The following DAB1 variants were observed in gnomAD, a reference collection of about 807,000 sequenced individuals.
DAB1 encodes the protein disabled homolog 1.
In DAB1, 15 loss-of-function variants were observed where a neutral mutation model predicts 64.6. That is an observed-to-expected ratio of 0.23 (90% CI 0.16 to 0.36). The LOEUF is 0.36. Ranked by LOEUF, DAB1 falls within the 10% of genes least tolerant of loss-of-function variation. The pLI, the probability that DAB1 is intolerant of heterozygous loss-of-function variation, is 1.00. For synonymous variants in DAB1, 235 were observed against 251.9 expected (o/e 0.93, Z 0.64); for missense variants, 596 against 706.7 (o/e 0.84, Z 1.78).
intron 2 of DAB1, among the ~76,000 whole-genome samples, chr1:57,173,024 C>A (rs533772444): frequency 1.2e-4 from 19 of 152,256 alleles, no homozygotes; most frequent in African/African-American, 4.3e-4. Context: ...CCACTGACAA[C>A]AATTATGAAG....
intron 6 of DAB1, among the ~76,000 whole-genome samples, chr1:57,706,679 A>G (rs1646970227): frequency 6.6e-6 from 1 of 151,892 alleles, no homozygotes; most frequent in Non-Finnish European, 1.5e-5. Flanking sequence ...ATTTCCCCCA[A>G]TGGTTATATC....
At chr1:58,020,183 CATAGGA>C (rs1029759383) in intron 5 of DAB1, among the ~76,000 whole-genome samples, 1 of 152,166 alleles carries the variant, frequency 6.6e-6, no homozygotes, top group Admixed American at 6.5e-5. Context: ...AATTCAATAG[CATAGGA>C]AATGTTCGCC....
intron 5 of DAB1, among the ~76,000 whole-genome samples, chr1:58,111,303 T>C (rs1651953048): frequency 6.6e-6 from 1 of 152,240 alleles, no homozygotes; most frequent in Non-Finnish European, 1.5e-5. Context: ...TTCTAGATCA[T>C]TCTGTCCCAT....
At chr1:57,597,179 T>C (rs568330374) in intron 7 of DAB1, among the ~76,000 whole-genome samples, 3 of 152,358 alleles carry the variant, frequency 2.0e-5, no homozygotes, top group Admixed American at 2.0e-4. Context: ...CTTATCCACC[T>C]GGATTTACAT....
At chr1:57,227,171 C>T (rs1405809991) in intron 2 of DAB1, among the ~76,000 whole-genome samples, 1 of 152,030 alleles carries the variant, frequency 6.6e-6, no homozygotes, top group Non-Finnish European at 1.5e-5. Context: ...ATCAAATAAT[C>T]AATCAATCAA....
intron 4 of DAB1, among the ~76,000 whole-genome samples, chr1:58,291,750 C>T (rs1661844149): frequency 6.6e-6 from 1 of 152,098 alleles, no homozygotes; most frequent in African/African-American, 2.4e-5. Flanking sequence ...CGGGGGGAGA[C>T]ATAGAGACGT....
intron 2 of DAB1, among the ~76,000 whole-genome samples, chr1:57,192,043 C>T (rs1470808516): frequency 1.3e-5 from 2 of 151,988 alleles, no homozygotes; most frequent in Non-Finnish European, 2.9e-5. Context: ...TAAGGCTGGG[C>T]ACGATGGCTC....
Position 56,995,801 on chromosome 1 carries a change from C to T in DAB1, c.*2343G>A, listed in dbSNP as rs1264718549. ...GGAACTGCCTATCTTACCAAATCCC[C>T]AGAAAACAAACTGGTCTCAGGCCAA... On this transcript the variant is annotated 3_prime_UTR_variant, in exon 15 of 15. Coordinates refer to ENST00000371236, the MANE Select transcript of DAB1 (RefSeq NM_001365792.1). 1 of 152,210 alleles carries T rather than the reference C, an allele frequency of 6.6e-6. No homozygotes were observed. Among genetic ancestry groups the T allele is most frequent in the African/African-American group, 2.4e-5 (1 of 41,450 alleles). The allele number at this position is 152,210 out of a possible 1,614,324, so 9.4% of individuals were successfully genotyped here.
intron 9 of DAB1, among the ~76,000 whole-genome samples, chr1:57,057,248 A>G (rs1196357887): frequency 6.6e-6 from 1 of 152,228 alleles, no homozygotes; most frequent in Non-Finnish European, 1.5e-5. Context: ...TTATATTTCA[A>G]CAGTTGATTA....
chr1:57,196,327 A>G (rs952480652), intron 2 of DAB1, among the ~76,000 whole-genome samples: 4 of 152,224 alleles, frequency 2.6e-5, no homozygotes. Flanking sequence ...CATCCTCACC[A>G]TAGTACAATA....
chr1:58,528,117 C>A (rs955862540), intron 1 of DAB1, among the ~76,000 whole-genome samples: 37 of 152,210 alleles, frequency 2.4e-4, no homozygotes, highest in African/African-American at 8.7e-4. Context: ...GTGACCATTA[C>A]AAATGACTTC....
chr1:58,162,763 T>A (rs907740046), intron 4 of DAB1, among the ~76,000 whole-genome samples: 3 of 152,190 alleles, frequency 2.0e-5, no homozygotes, highest in African/African-American at 7.2e-5. Flanking sequence ...TATGTGTACA[T>A]TGCCTGTATA....
chr1:58,130,187 A>T (rs2100692822), intron 5 of DAB1, among the ~76,000 whole-genome samples: 1 of 147,626 alleles, frequency 6.8e-6, no homozygotes, highest in Non-Finnish European at 1.5e-5. Context: ...CTTTTTGTTG[A>T]ATTGATCCCT....
chr1:57,490,794 C>T (rs538545554), intron 7 of DAB1, among the ~76,000 whole-genome samples: 2 of 152,300 alleles, frequency 1.3e-5, no homozygotes, highest in East Asian at 1.9e-4. Flanking sequence ...TCCTTCCACC[C>T]TTCATATTAA....
At position 57,818,970 on chromosome 1, in the gene DAB1, G is replaced by A. The variant is rs1383850290; in HGVS notation, n.551+65029C>T. On this transcript the variant is annotated intron_variant and non_coding_transcript_variant, in intron 6 of 20. Transcript: ENST00000485760. ...CTTTAATTTTATGAACTAACAGAAA[G>A]ATAGCAACTTGGTGCCCGAAATTTA... is the stretch of plus-strand genomic sequence containing the variant. Among the ~76,000 whole-genome samples the A allele has an allele frequency of 2.6e-5, 4 of 152,118 alleles. No homozygotes were observed. The East Asian group carries it at 7.7e-4, about 29-fold the overall frequency.
intron 5 of DAB1, among the ~76,000 whole-genome samples, chr1:58,113,914 T>C (rs1652144322): frequency 1.3e-5 from 2 of 151,950 alleles, no homozygotes; most frequent in East Asian, 1.9e-4. Context: ...TATAGGAAGG[T>C]GCCCCCCCAA....
chr1:57,240,476 T>C (rs907345129), intron 2 of DAB1, among the ~76,000 whole-genome samples: 7 of 152,104 alleles, frequency 4.6e-5, no homozygotes, highest in Non-Finnish European at 8.8e-5. Context: ...TCCATATACG[T>C]CTAGACATAC....
At chr1:57,595,098 T>G (rs917693913) in intron 7 of DAB1, among the ~76,000 whole-genome samples, 1 of 152,140 alleles carries the variant, frequency 6.6e-6, no homozygotes, top group Non-Finnish European at 1.5e-5. Flanking sequence ...TTCTACCCAC[T>G]TCCATTAAGT....
At chr1:57,186,137 A>G (rs2100986664) in intron 2 of DAB1, among the ~76,000 whole-genome samples, 1 of 152,308 alleles carries the variant, frequency 6.6e-6, no homozygotes, top group Admixed American at 6.5e-5. Context: ...GTTCTATGTA[A>G]GTTTAGGGTA....
Sources: allele counts gnomAD v4.1 joint callset (sites outside exome capture counted in the v4.1 genomes callset), GRCh38; gene constraint gnomAD v4.1.1; transcripts MANE v1.5; gene names NCBI Gene and HGNC (gene_info 2026-07-23, HGNC 2026-07-21).